Variants in PEX5L observed in about 807,000 individuals in gnomAD.
The protein encoded by PEX5L is PEX5-related protein.
A neutral mutation model predicts 84.0 loss-of-function variants in PEX5L; 30 were observed. That is an observed-to-expected ratio of 0.36 (90% CI 0.27 to 0.48). PEX5L has a LOEUF of 0.48. Ranked by LOEUF, PEX5L falls within the 20% of genes least tolerant of loss-of-function variation. The pLI, the probability that PEX5L is intolerant of heterozygous loss-of-function variation, is 0.99. For synonymous variants in PEX5L, 270 were observed against 283.1 expected (o/e 0.95, Z 0.46); for missense variants, 533 against 754.6 (o/e 0.71, Z 3.44).
chr3:179,828,422 A>G (rs1476157644), intron 8 of PEX5L, among the ~76,000 whole-genome samples: 1 of 152,142 alleles, frequency 6.6e-6, no homozygotes, highest in East Asian at 1.9e-4. Flanking sequence ...TACAAGACCC[A>G]CATTTCTAGA....
intron 1 of PEX5L, among the ~76,000 whole-genome samples, chr3:179,984,172 G>T (rs1291251840): frequency 6.6e-6 from 1 of 151,956 alleles, no homozygotes; most frequent in South Asian, 2.1e-4. Flanking sequence ...TTTAAAATAC[G>T]ATTTCCTTTC....
chr3:179,908,689 A>G (rs556255402), intron 2 of PEX5L, among the ~76,000 whole-genome samples: 236 of 142,896 alleles, frequency 1.7e-3, no homozygotes, highest in African/African-American at 6.1e-3. Context: ...TCATTGTTCA[A>G]TTCCCACCTA....
intron 8 of PEX5L, among the ~76,000 whole-genome samples, chr3:179,821,785 A>G (rs1159566515): frequency 6.6e-6 from 1 of 152,260 alleles, no homozygotes; most frequent in Non-Finnish European, 1.5e-5. Flanking sequence ...TGCAAACAGA[A>G]TGATCTCAAA....
chr3:179,815,479 G>A (rs1725702354), intron 10 of PEX5L, among the ~76,000 whole-genome samples: 2 of 152,198 alleles, frequency 1.3e-5, no homozygotes, highest in South Asian at 4.1e-4. Flanking sequence ...CAGCTACTAG[G>A]GATGGTGAGG....
intron 2 of PEX5L, among the ~76,000 whole-genome samples, chr3:179,937,728 G>A (rs896042452): frequency 3.3e-5 from 5 of 152,138 alleles, no homozygotes; most frequent in Admixed American, 3.3e-4. Context: ...CTGCTTGTAA[G>A]GATTTGGTAA....
At chr3:180,035,872 G>A (rs554954109) in intron 1 of PEX5L, among the ~76,000 whole-genome samples, 32 of 152,318 alleles carry the variant, frequency 2.1e-4, no homozygotes, top group African/African-American at 5.5e-4. Context: ...CCAACCGTAT[G>A]AATGAGAACT....
chr3:180,029,932 A>G (rs1791302862), intron 1 of PEX5L, among the ~76,000 whole-genome samples: 1 of 152,174 alleles, frequency 6.6e-6, no homozygotes, highest in Non-Finnish European at 1.5e-5. Context: ...AAGGGAGGTG[A>G]AGGGGTGCTT....
chr3:179,953,795 G>A (rs1039083915), intron 2 of PEX5L, among the ~76,000 whole-genome samples: 3 of 152,130 alleles, frequency 2.0e-5, no homozygotes, highest in African/African-American at 7.2e-5. Flanking sequence ...CCTCGCCGAT[G>A]GATGAAATAG....
At chr3:179,959,475 C>A (rs1781485665) in intron 2 of PEX5L, among the ~76,000 whole-genome samples, 1 of 152,130 alleles carries the variant, frequency 6.6e-6, no homozygotes, top group Admixed American at 6.5e-5. Context: ...TGTGTTCCAG[C>A]ACCTAGCAAA....
chr3:179,863,465 A>T (rs1746966893), intron 7 of PEX5L, among the ~76,000 whole-genome samples: 1 of 152,176 alleles, frequency 6.6e-6, no homozygotes, highest in South Asian at 2.1e-4. Context: ...CATCTAAAAT[A>T]TATAAGGAAC....
chr3:179,934,584 A>AT (rs1359007107), intron 2 of PEX5L, among the ~76,000 whole-genome samples: 2 of 152,188 alleles, frequency 1.3e-5, no homozygotes, highest in Non-Finnish European at 2.9e-5. Flanking sequence ...TGGAATTTGA[A>AT]TTCAGTTATT....
At position 179,930,371 on chromosome 3, in the gene PEX5L, C is replaced by A. The variant is rs561416487; in HGVS notation, c.94-32125G>T. On this transcript the variant is annotated intron_variant, in intron 2 of 14. Coordinates refer to ENST00000467460, the MANE Select transcript of PEX5L (RefSeq NM_016559.3). ...CTCCTGTTATATATGGAATAACTTC[C>A]TAGTAGCAAAATTCCAACTTCCTGG... 2.6e-5 allele frequency among the ~76,000 whole-genome samples: 4 copies of A among 152,272 alleles called. No individual in the cohort carries two copies. The East Asian group carries it at 7.7e-4, about 29-fold the overall frequency.
At chr3:180,017,518 A>G (rs1391965191) in intron 1 of PEX5L, among the ~76,000 whole-genome samples, 2 of 152,176 alleles carry the variant, frequency 1.3e-5, no homozygotes, top group Non-Finnish European at 2.9e-5. Context: ...TTTAATTCAA[A>G]ACACTATACA....
At chr3:180,013,619 C>T (rs963113626) in intron 1 of PEX5L, among the ~76,000 whole-genome samples, 15 of 152,022 alleles carry the variant, frequency 9.9e-5, no homozygotes, top group Non-Finnish European at 1.8e-4. Context: ...ATGGCATTGC[C>T]AGAGAGGACT....
chr3:179,965,363 G>C (rs1783076082), intron 2 of PEX5L, among the ~76,000 whole-genome samples: 1 of 152,186 alleles, frequency 6.6e-6, no homozygotes, highest in Non-Finnish European at 1.5e-5. Flanking sequence ...CTCTACAAGG[G>C]AGCATCCTCA....
At chr3:179,829,396 T>C (rs955236225) in intron 8 of PEX5L, among the ~76,000 whole-genome samples, 3 of 152,196 alleles carry the variant, frequency 2.0e-5, no homozygotes, top group African/African-American at 4.8e-5. Context: ...TTGGGAACAG[T>C]GATTAAGAGC....
chr3:180,015,188 C>T lies in PEX5L; in HGVS notation c.21+21391G>A, dbSNP rs1789837528. ...GGAAGATGGGTTGGCTCCGTAAACC[C>T]CTTGAGGACAGGAACCACACCTCAT... On this transcript the variant is annotated intron_variant, in intron 1 of 14. Coordinates refer to ENST00000467460, the MANE Select transcript of PEX5L (RefSeq NM_016559.3). 2.0e-5 allele frequency among the ~76,000 whole-genome samples: 3 copies of T among 152,090 alleles called. No individual in the cohort carries two copies. In the South Asian group the frequency reaches 6.2e-4, roughly 31 times the overall value.
intron 8 of PEX5L, among the ~76,000 whole-genome samples, chr3:179,853,749 TTTCTC>T (rs1211098122): frequency 1.3e-5 from 2 of 151,942 alleles, no homozygotes; most frequent in East Asian, 2.0e-4. Flanking sequence ...CAATTTTTCT[TTTCTC>T]TTCTTCCTCC....
intron 8 of PEX5L, among the ~76,000 whole-genome samples, chr3:179,835,137 T>C (rs1303494692): frequency 6.6e-6 from 1 of 152,188 alleles, no homozygotes; most frequent in Non-Finnish European, 1.5e-5. Flanking sequence ...AAAAAGCCAG[T>C]TCCTGACCTC....
Sources: gnomAD v4.1 joint callset for allele counts (sites outside exome capture counted in the v4.1 genomes callset) on GRCh38, gnomAD v4.1.1 for gene constraint, MANE v1.5 for transcripts, NCBI Gene and HGNC (gene_info 2026-07-23, HGNC 2026-07-21) for gene names.